CUX2: variants seen among roughly 807,000 people sequenced by gnomAD.
CUX2 encodes cut like homeobox 2.
In CUX2, 40 loss-of-function variants were observed where a neutral mutation model predicts 144.8. The ratio of observed to expected loss-of-function variants is 0.28; its 90% CI spans 0.21 to 0.36. The LOEUF is 0.36. CUX2 is among the 10% of genes least tolerant of loss of function. The probability of loss-of-function intolerance (pLI) is 1.00; values close to 1 mark genes in which losing one functional copy is unlikely to be tolerated. For synonymous variants in CUX2, 827 were observed against 875.6 expected (o/e 0.94, Z 0.98); for missense variants, 1,615 against 1,994.0 (o/e 0.81, Z 3.62).
chr12:111,141,339 T>C (rs1183409004), intron 1 of CUX2, among the ~76,000 whole-genome samples: 1 of 152,192 alleles, frequency 6.6e-6, no homozygotes, highest in East Asian at 1.9e-4. Flanking sequence ...GTGCCTGTAC[T>C]TGTTTGGTAA....
intron 1 of CUX2, among the ~76,000 whole-genome samples, chr12:111,104,219 T>C (rs1244741496): frequency 6.6e-6 from 1 of 152,218 alleles, no homozygotes; most frequent in Non-Finnish European, 1.5e-5. Context: ...TTAGGTAGAC[T>C]AGGGTCCTTC....
In CUX2 at chr12:111,034,194, G is replaced by T; in HGVS notation, c.17G>T (p.Gly6Val). The change falls in exon 1 of 22, where the codon GGA (glycine) becomes GTA (valine). Residue 6 changes from glycine (G) to valine (V), a missense_variant. Physicochemically the swap from Gly to Val is moderately radical, Grantham distance 109 (BLOSUM62 -3). Coordinates refer to ENST00000261726, the MANE Select transcript of CUX2 (RefSeq NM_015267.4). The surrounding 1 kb of genome is among the most constrained non-coding windows in gnomAD (Gnocchi z 4.2). Reference sequence around the variant, plus strand: ...GCCCCCAAGATGGCCGCCAATGTGGGATCGATGTTTCAATATTGGAAGCGA... The same window carrying T: ...GCCCCCAAGATGGCCGCCAATGTGGTATCGATGTTTCAATATTGGAAGCGA... Reference protein sequence around the residue: MAANVGSMFQYWKRFD... With the variant: MAANVVSMFQYWKRFD... 2 of 1,402,656 alleles carry T rather than the reference G, an allele frequency of 1.4e-6. No individual in the cohort carries two copies. Among genetic ancestry groups the T allele is most frequent in the Non-Finnish European group, 1.9e-6 (2 of 1,049,062 alleles). The allele number at this position is 1,402,656 out of a possible 1,614,324, so 86.9% of individuals were successfully genotyped here.
rs540263126 is a variant in CUX2 at position 111,326,620 on chromosome 12, A to G, written c.2926+4040A>G. Among the ~76,000 whole-genome samples, 14 of 152,122 alleles carry G rather than the reference A, an allele frequency of 9.2e-5. No individual in the cohort carries two copies. The South Asian group carries it at 1.5e-3, about 16-fold the overall frequency. Reference sequence around the variant, plus strand: ...TTTTTACTGTAGTAAAATTCACATAACAGCTGGGCACCGTGGCTCACACCT... The same window carrying G: ...TTTTTACTGTAGTAAAATTCACATAGCAGCTGGGCACCGTGGCTCACACCT... On this transcript the variant is annotated intron_variant, in intron 18 of 21. Coordinates refer to ENST00000261726, the MANE Select transcript of CUX2 (RefSeq NM_015267.4).
In CUX2 at chr12:111,176,645, C is replaced by T. The variant is rs74652649; in HGVS notation, c.64-37555C>T. The stretch of plus-strand genomic sequence containing the variant: ...AAAAAAGGTTGTTGTGTCCAACCCC[C>T]ACTCCAGGCTCTATTTTCCCTCCAC... On this transcript the variant is annotated intron_variant, in intron 1 of 21. Coordinates refer to ENST00000261726, the MANE Select transcript of CUX2 (RefSeq NM_015267.4). Among the ~76,000 whole-genome samples the T allele has an allele frequency of 4.3e-3, 662 of 152,318 alleles. 4 individuals are homozygous for T. Among genetic ancestry groups the T allele is most frequent in the African/African-American group, 0.015 (615 of 41,558 alleles).
chr12:111,248,204 A>G (rs1883375571), intron 3 of CUX2, among the ~76,000 whole-genome samples: 1 of 152,122 alleles, frequency 6.6e-6, no homozygotes, highest in Non-Finnish European at 1.5e-5. Context: ...TCTGGCCCAA[A>G]GCATATCTTT....
In CUX2 at chr12:111,310,193, G is replaced by A. The variant is rs1238923758; in HGVS notation, c.1411G>A (p.Asp471Asn). 8 of 1,535,322 alleles carry A rather than the reference G, an allele frequency of 5.2e-6. No homozygotes were observed. Among genetic ancestry groups the A allele is most frequent in the Non-Finnish European group, 7.0e-6 (8 of 1,142,376 alleles). Residue 471 changes from aspartate (D) to asparagine (N), a missense_variant, in exon 15 of 22, where the codon GAC becomes AAC. This residue lies in a region of CUX2 where 154 missense variants were observed against 148.4 expected (regional missense o/e 1.04). Transcript: ENST00000261726. This position sits in a 1 kb window ranked among gnomAD's most constrained non-coding sequence, Gnocchi z 7.9. ...QPLLGPSLGP[D>N]GTRTFSLSPF... ...CCTGCTGGGCCCCAGCTTGGGGCCT[G>A]ACGGCACTCGGACTTTCTCGCTGTC...
intron 1 of CUX2, among the ~76,000 whole-genome samples, chr12:111,147,380 T>TG (rs1592939431): frequency 6.6e-6 from 1 of 152,140 alleles, no homozygotes; most frequent in African/African-American, 2.4e-5. Context: ...CAAAATAACC[T>TG]GGGATTTATG....
rs1488267623 is a variant in CUX2 at position 111,320,315 on chromosome 12, A to G, written c.2306A>G (p.Gln769Arg). The G allele has an allele frequency of 6.3e-7, 1 of 1,598,060 alleles. No individual in the cohort carries two copies. The highest frequency in any genetic ancestry group is 1.7e-5 in the Admixed American group (1 of 59,968). ...GTCCTGTCCCCCGCCGCCTTCGTGCAGAGCATCATCCGCAAGGTCAAGTCC... is the reference window on the plus strand; with the variant it reads ...GTCCTGTCCCCCGCCGCCTTCGTGCGGAGCATCATCCGCAAGGTCAAGTCC... ...LPVLSPAAFV[Q>R]SIIRKVKSEI... is the part of the protein sequence containing the mutation. Residue 769 changes from glutamine to arginine, a missense_variant, in exon 17 of 22, where the codon CAG (glutamine) becomes CGG (arginine). Physicochemically the swap from Gln to Arg is conservative, Grantham distance 43. Around this residue, in one of 12 missense-constraint regions of CUX2, gnomAD observed 390 missense variants for 387.1 expected, o/e 1.01. Transcript: ENST00000261726. This position sits in a 1 kb window ranked among gnomAD's most constrained non-coding sequence, Gnocchi z 8.1.
chr12:111,119,438 T>TA (rs1000228214), intron 1 of CUX2, among the ~76,000 whole-genome samples: 3 of 151,044 alleles, frequency 2.0e-5, no homozygotes, highest in Non-Finnish European at 3.0e-5. Context: ...ACCCCATCTT[T>TA]AAAAAAAAAA....
chr12:111,063,196 A>G (rs1226990958), intron 1 of CUX2, among the ~76,000 whole-genome samples: 1 of 152,094 alleles, frequency 6.6e-6, no homozygotes, highest in Non-Finnish European at 1.5e-5. Flanking sequence ...GAATAAAGCA[A>G]TTTCCCTGGG....
At chr12:111,162,938 C>T (rs1197256027) in intron 1 of CUX2, among the ~76,000 whole-genome samples, 3 of 151,402 alleles carry the variant, frequency 2.0e-5, no homozygotes, top group South Asian at 2.1e-4. Flanking sequence ...CCCAGCTGCT[C>T]GGGAGGCTGA....
At chr12:111,251,617 T>C (rs2136275629) in intron 3 of CUX2, among the ~76,000 whole-genome samples, 1 of 152,296 alleles carries the variant, frequency 6.6e-6, no homozygotes, top group East Asian at 1.9e-4. Flanking sequence ...GATTGTATTA[T>C]GTTGGATCAA....
intron 1 of CUX2, among the ~76,000 whole-genome samples, chr12:111,067,626 G>A (rs1050745361): frequency 2.0e-5 from 3 of 152,154 alleles, no homozygotes; most frequent in Non-Finnish European, 2.9e-5. Context: ...GGAAGGTTCC[G>A]GGAACTCTTG....
chr12:111,200,641 G>T (rs150002912), intron 1 of CUX2, among the ~76,000 whole-genome samples: 20 of 152,266 alleles, frequency 1.3e-4, no homozygotes, highest in African/African-American at 4.6e-4. Context: ...TCCCGGAGGT[G>T]TCGTCACTTG....
rs988524528 is a variant in CUX2 at position 111,304,165 on chromosome 12, G to A, written c.754-45G>A. On this transcript the variant is annotated intron_variant, in intron 9 of 21. Transcript: ENST00000261726. This position sits in a 1 kb window ranked among gnomAD's most constrained non-coding sequence, Gnocchi z 4.7. ...AACAGTGCAGGGAGAAGGTGGAAGT[G>A]CAGAGTGGGCTCACCTCTCGCCCAC... 6.0e-6 allele frequency: 9 copies of A among 1,492,642 alleles called. No homozygotes were observed. Among genetic ancestry groups the A allele is most frequent in the South Asian group, 1.2e-5 (1 of 85,284 alleles). 92.5% of individuals were successfully genotyped at this position (1,492,642 alleles called of 1,614,324 possible).
rs1472361983 is a variant in CUX2 at position 111,035,121 on chromosome 12, G to A, written c.63+881G>A. ...TGACTCCCAGCCCTCGGGCCCAAGG[G>A]AACTTTTAAATGAGAGATTTCCTTG... On this transcript the variant is annotated intron_variant, in intron 1 of 21. Coordinates refer to ENST00000261726, the MANE Select transcript of CUX2 (RefSeq NM_015267.4). This position sits in a 1 kb window ranked among gnomAD's most constrained non-coding sequence, Gnocchi z 6.0. Among the ~76,000 whole-genome samples the A allele has an allele frequency of 6.6e-6, 1 of 152,170 alleles. No individual in the cohort carries two copies. Among genetic ancestry groups the A allele is most frequent in the African/African-American group, 2.4e-5 (1 of 41,448 alleles).
intron 3 of CUX2, among the ~76,000 whole-genome samples, chr12:111,227,624 C>T (rs914615896): frequency 6.6e-6 from 1 of 152,140 alleles, no homozygotes; most frequent in African/African-American, 2.4e-5. Context: ...TTGTGTCCCC[C>T]TCCTGCGCAC....
At chr12:111,321,589 G>A (rs1407524152) in intron 17 of CUX2, among the ~76,000 whole-genome samples, 1 of 152,044 alleles carries the variant, frequency 6.6e-6, no homozygotes, top group Non-Finnish European at 1.5e-5. Flanking sequence ...GGCTGAGGTG[G>A]GAGAATTGCT....
intron 18 of CUX2, among the ~76,000 whole-genome samples, chr12:111,327,146 G>T (rs1887860468): frequency 6.6e-6 from 1 of 152,106 alleles, no homozygotes; most frequent in African/African-American, 2.4e-5. Flanking sequence ...TGCCTCTTCT[G>T]AATGTTTCAT....
Sources: allele counts gnomAD v4.1 joint callset (sites outside exome capture counted in the v4.1 genomes callset), GRCh38; gene constraint gnomAD v4.1.1; regional missense constraint gnomAD v4.1.1; non-coding constraint Gnocchi (gnomAD v3.1); transcripts MANE v1.5; gene names NCBI Gene and HGNC (gene_info 2026-07-23, HGNC 2026-07-21).